Variants in TSHR observed in about 807,000 individuals in gnomAD.
TSHR encodes the protein thyrotropin receptor.
TSHR carries 51 observed loss-of-function variants against 64.1 expected under a neutral mutation model. That is an observed-to-expected ratio of 0.80 (90% CI 0.64 to 1.01). TSHR has a LOEUF of 1.01. Among genes scored for constraint, TSHR ranks in the 50% least tolerant of loss-of-function variants. The pLI, the probability that TSHR is intolerant of heterozygous loss-of-function variation, is 0.00. For missense variants in TSHR, 877 were observed against 942.8 expected (o/e 0.93, Z 0.91); for synonymous variants, 361 against 361.9 (o/e 1.00, Z 0.03).
Position 81,143,404 on chromosome 14 carries a change from C to T in TSHR, c.1346C>T (p.Pro449Leu). 6.2e-7 allele frequency: 1 copy of T among 1,614,186 alleles called. No homozygotes were observed. The change falls in exon 10 of 10, where the codon CCC (proline) becomes CTC (leucine). Residue 449 changes from proline (P) to leucine (L), a missense_variant. Pro to Leu is a moderately conservative substitution (Grantham distance 98, BLOSUM62 -3). Transcript: ENST00000298171. ...LLTSHYKLNV[P>L]RFLMCNLAFA... ...ACCAGCCACTACAAACTGAACGTCC[C>T]CCGCTTTCTCATGTGCAACCTGGCC...
At chr14:80,982,332 A>G in intron 1 of TSHR, 1 of 1,208,458 alleles carries the variant, frequency 8.3e-7, no homozygotes. Flanking sequence ...GGGCTGAGGA[A>G]GAGGCCACTA....
chr14:81,064,682 G>GA (rs1287507324), intron 2 of TSHR, among the ~76,000 whole-genome samples: 9 of 152,028 alleles, frequency 5.9e-5, no homozygotes, highest in Non-Finnish European at 8.8e-5. Flanking sequence ...AAGTACATGG[G>GA]AAAAAAAGTA....
At chr14:81,033,172 G>A in intron 1 of TSHR, 1 of 418,960 alleles carries the variant, frequency 2.4e-6, no homozygotes, top group South Asian at 2.2e-5. Flanking sequence ...CATTCATGTG[G>A]TGAATGAATG....
At chr14:81,072,996 C>CAAAAAAAAA (rs1212879309) in intron 3 of TSHR, among the ~76,000 whole-genome samples, 1 of 7,524 alleles carries the variant, frequency 1.3e-4, no homozygotes, top group African/African-American at 6.7e-4. Context: ...GACTCCGTCT[C>CAAAAAAAAA]AAAAAAAAAA....
chr14:81,114,657 T>A (rs1055939104), intron 8 of TSHR, among the ~76,000 whole-genome samples: 1 of 152,064 alleles, frequency 6.6e-6, no homozygotes, highest in Non-Finnish European at 1.5e-5. Flanking sequence ...GCAGGGAAGC[T>A]CGAACTGGGT....
At chr14:81,096,388 A>T (rs1161366023) in intron 6 of TSHR, among the ~76,000 whole-genome samples, 2 of 152,200 alleles carry the variant, frequency 1.3e-5, no homozygotes, top group Non-Finnish European at 2.9e-5. Context: ...TGTTACTCAA[A>T]GTAAATATGA....
At chr14:81,009,745 T>C (rs1368149384) in intron 1 of TSHR, among the ~76,000 whole-genome samples, 1 of 152,116 alleles carries the variant, frequency 6.6e-6, no homozygotes, top group Non-Finnish European at 1.5e-5. Flanking sequence ...TATTTTGTCA[T>C]GTAAATAAAT....
chr14:81,061,440 A>T (rs949056079), intron 1 of TSHR, among the ~76,000 whole-genome samples: 5 of 152,168 alleles, frequency 3.3e-5, no homozygotes, highest in African/African-American at 1.2e-4. Flanking sequence ...TGGTACATAT[A>T]TACCATGGAA....
At chr14:81,049,407 A>G (rs1488101920) in intron 1 of TSHR, 1 of 152,210 alleles carries the variant, frequency 6.6e-6, no homozygotes, top group Non-Finnish European at 1.5e-5. Context: ...CTTTATAATG[A>G]AAAGCTTGCA....
intron 8 of TSHR, among the ~76,000 whole-genome samples, chr14:81,132,076 TTTAAC>T (rs1270389856): frequency 2.6e-5 from 4 of 152,222 alleles, no homozygotes; most frequent in African/African-American, 7.2e-5. Flanking sequence ...CTTTTAAACC[TTTAAC>T]TTATTTTTCA....
chr14:81,092,296 C>G (rs2075175), intron 5 of TSHR, among the ~76,000 whole-genome samples: 38,932 of 151,974 alleles, frequency 0.26, 7,443 homozygotes, highest in African/African-American at 0.54. Context: ...TCCACCCACA[C>G]CTAAAGCTCT....
At chr14:81,116,035 A>T (rs1387242133) in intron 8 of TSHR, among the ~76,000 whole-genome samples, 1 of 152,146 alleles carries the variant, frequency 6.6e-6, no homozygotes, top group Non-Finnish European at 1.5e-5. Context: ...AGGAAGCGCT[A>T]AACATGGAAA....
chr14:81,138,916 T>C (rs931510099), intron 8 of TSHR, among the ~76,000 whole-genome samples: 1 of 152,178 alleles, frequency 6.6e-6, no homozygotes. Flanking sequence ...CTGGACTCTC[T>C]GGGATTCAGA....
At chr14:81,065,273 T>C (rs1886530389) in intron 2 of TSHR, among the ~76,000 whole-genome samples, 1 of 152,132 alleles carries the variant, frequency 6.6e-6, no homozygotes, top group Non-Finnish European at 1.5e-5. Context: ...TAGGGAGCCC[T>C]TTTTTACTTA....
chr14:81,044,822 A>G (rs111659811), intron 1 of TSHR, among the ~76,000 whole-genome samples: 24 of 152,322 alleles, frequency 1.6e-4, no homozygotes, highest in African/African-American at 5.1e-4. Context: ...TAGTTCAACT[A>G]TTGTGGAAGA....
chr14:81,037,448 A>AAAAAAAAAAAAAAGAAAAAAAAAC (rs1273226258), intron 1 of TSHR, among the ~76,000 whole-genome samples: 1 of 128,456 alleles, frequency 7.8e-6, no homozygotes, highest in African/African-American at 2.6e-5. Context: ...AACAAACAAA[A>AAAAAAAAAAAAAAGAAAAAAAAAC]AACAGAAAAT....
intron 1 of TSHR, among the ~76,000 whole-genome samples, chr14:81,037,448 A>ACAAC (rs1555373450): frequency 1.6e-5 from 2 of 128,454 alleles, no homozygotes; most frequent in Non-Finnish European, 3.7e-5. Flanking sequence ...AACAAACAAA[A>ACAAC]AACAGAAAAT....
At chr14:81,056,738 A>G (rs4424851) in intron 1 of TSHR, among the ~76,000 whole-genome samples, 127,588 of 152,158 alleles carry the variant, frequency 0.84, 54,159 homozygotes, top group African/African-American at 0.96. Context: ...AGCCCAAATC[A>G]AAACTCTGTT....
chr14:81,043,354 A>T (rs962909755), intron 1 of TSHR, among the ~76,000 whole-genome samples: 6 of 152,166 alleles, frequency 3.9e-5, no homozygotes, highest in African/African-American at 1.4e-4. Context: ...CAAAAAGAAT[A>T]AAATACCTAA....
Sources: gnomAD v4.1 joint callset for allele counts (sites outside exome capture counted in the v4.1 genomes callset) on GRCh38, gnomAD v4.1.1 for gene constraint, MANE v1.5 for transcripts, NCBI Gene and HGNC (gene_info 2026-07-23, HGNC 2026-07-21) for gene names.